Variants in ZNF521 observed in about 807,000 individuals in gnomAD.
The protein encoded by ZNF521 is zinc finger protein 521.
In ZNF521, 14 loss-of-function variants were observed where a neutral mutation model predicts 105.5. The ratio of observed to expected loss-of-function variants is 0.13; its 90% confidence interval spans 0.09 to 0.21. The LOEUF is 0.21. Among genes scored for constraint, ZNF521 ranks in the 10% least tolerant of loss-of-function variants. The pLI, the probability that ZNF521 is intolerant of heterozygous loss-of-function variation, is 1.00. For synonymous variants in ZNF521, 635 were observed against 606.0 expected (o/e 1.05, Z -0.70); for missense variants, 1,233 against 1,629.7 (o/e 0.76, Z 4.19).
intron 3 of ZNF521, among the ~76,000 whole-genome samples, chr18:25,313,049 A>G (rs9950053): frequency 0.066 from 9,995 of 152,196 alleles, 391 homozygotes; most frequent in African/African-American, 0.11. Flanking sequence ...AGGGTACATT[A>G]TCGTGCAGGA....
In ZNF521 at chr18:25,224,720, C is replaced by G; in HGVS notation, c.3198G>C (p.Lys1066Asn). The change falls in exon 4 of 8, where the codon AAG (lysine) becomes AAC (asparagine). Residue 1066 changes from lysine to asparagine, a missense_variant. Coordinates refer to ENST00000361524, the MANE Select transcript of ZNF521 (RefSeq NM_015461.3). ...GGAATTCTTTGAGGCAAGATGCGCA[C>G]TTATACAGTTTTTGGACGTGCTGGC... ...GRGQHVQKLY[K>N]CASCLKEFRS... The G allele has an allele frequency of 6.2e-6, 10 of 1,614,064 alleles. No individual in the cohort carries two copies. The highest frequency in any genetic ancestry group is 3.3e-5 in the South Asian group (3 of 91,074).
intron 3 of ZNF521, among the ~76,000 whole-genome samples, chr18:25,247,074 T>C (rs1207766063): frequency 6.6e-6 from 1 of 152,178 alleles, no homozygotes; most frequent in Non-Finnish European, 1.5e-5. Flanking sequence ...ATCAATTCCA[T>C]AATGATATTC....
intron 5 of ZNF521, among the ~76,000 whole-genome samples, chr18:25,178,054 C>T (rs1294060731): frequency 6.6e-6 from 1 of 152,180 alleles, no homozygotes; most frequent in Non-Finnish European, 1.5e-5. Flanking sequence ...AATAAATTAT[C>T]TCTGTGGTTC....
chr18:25,122,326 C>T (rs1432550412), intron 5 of ZNF521, among the ~76,000 whole-genome samples: 1 of 152,076 alleles, frequency 6.6e-6, no homozygotes, highest in Non-Finnish European at 1.5e-5. Flanking sequence ...ATACCTATGA[C>T]TAAAATCCCT....
At chr18:25,185,769 C>T (rs373164660) in intron 5 of ZNF521, among the ~76,000 whole-genome samples, 13 of 152,030 alleles carry the variant, frequency 8.6e-5, no homozygotes, top group Admixed American at 4.6e-4. Flanking sequence ...GAAACCTGAA[C>T]GCAGCATGGT....
chr18:25,335,315 C>T (rs1383665245), intron 2 of ZNF521, among the ~76,000 whole-genome samples: 3 of 152,118 alleles, frequency 2.0e-5, no homozygotes, highest in South Asian at 2.1e-4. Flanking sequence ...ACCTGGAATA[C>T]GTAACTTAAG....
intron 3 of ZNF521, among the ~76,000 whole-genome samples, chr18:25,231,128 T>C (rs1260835969): frequency 1.3e-5 from 2 of 152,194 alleles, no homozygotes; most frequent in Admixed American, 6.5e-5. Flanking sequence ...CAGCAGCCTC[T>C]GTGTTTCTGC....
chr18:25,345,874 T>C lies in ZNF521; in HGVS notation c.40+5033A>G, dbSNP rs547588535. ...ATGGATGTCAAACACTGTTTGAGCT[T>C]CTGCAGTGTTTCCAATAATCAGGCT... On this transcript the variant is annotated intron_variant, in intron 2 of 7. Coordinates refer to ENST00000361524, the MANE Select transcript of ZNF521 (RefSeq NM_015461.3). Among the ~76,000 whole-genome samples, 3 of 152,342 alleles carry C rather than the reference T, an allele frequency of 2.0e-5. No individual in the cohort carries two copies. In the South Asian group the frequency reaches 6.2e-4, roughly 32 times the overall value.
chr18:25,334,749 G>A (rs1413244138), intron 2 of ZNF521, among the ~76,000 whole-genome samples: 1 of 152,168 alleles, frequency 6.6e-6, no homozygotes, highest in East Asian at 1.9e-4. Flanking sequence ...GCAATACTGA[G>A]TGCCACCCCT....
chr18:25,318,829 A>T (rs977808069), intron 3 of ZNF521, among the ~76,000 whole-genome samples: 3 of 152,120 alleles, frequency 2.0e-5, no homozygotes, highest in Non-Finnish European at 4.4e-5. Flanking sequence ...ATGCATGTAC[A>T]TTTCCTACTT....
chr18:25,235,946 GC>G (rs1257350082), intron 3 of ZNF521, among the ~76,000 whole-genome samples: 3 of 152,122 alleles, frequency 2.0e-5, no homozygotes, highest in Non-Finnish European at 4.4e-5. Flanking sequence ...TTATCCATAT[GC>G]CTTTGTATTA....
intron 4 of ZNF521, among the ~76,000 whole-genome samples, chr18:25,210,744 G>A (rs1367135902): frequency 2.0e-5 from 3 of 152,146 alleles, no homozygotes; most frequent in African/African-American, 7.2e-5. Context: ...GGGGACCCAC[G>A]GAGGCTACCA....
chr18:25,116,889 GTATATATA>G (rs1273205110), intron 5 of ZNF521, among the ~76,000 whole-genome samples: 1 of 45,132 alleles, frequency 2.2e-5, no homozygotes, highest in Non-Finnish European at 7.5e-5. Flanking sequence ...ATATATATAC[GTATATATA>G]TATGTGTATA....
intron 3 of ZNF521, among the ~76,000 whole-genome samples, chr18:25,304,072 T>C (rs1240174242): frequency 2.0e-5 from 3 of 152,238 alleles, no homozygotes; most frequent in Non-Finnish European, 2.9e-5. Flanking sequence ...ATGGCTGTGC[T>C]AGTAATTTCT....
chr18:25,192,125 G>T (rs925841123), intron 5 of ZNF521, among the ~76,000 whole-genome samples: 1 of 152,130 alleles, frequency 6.6e-6, no homozygotes, highest in Non-Finnish European at 1.5e-5. Context: ...AAGAAGAAAA[G>T]AAACCCCTGA....
Position 25,117,032 on chromosome 18 carries a change from TAC to T in ZNF521, c.3659-24953_3659-24952del, listed in dbSNP as rs71375169. On this transcript the variant is annotated intron_variant, in intron 5 of 7. Transcript: ENST00000361524. ...ACACACACACACATATATATATACA[TAC>T]ACACACACACACATATATATACACA... Among the ~76,000 whole-genome samples the T allele has an allele frequency of 1.7e-3, 219 of 132,124 alleles. 3 individuals are homozygous for T. The highest frequency in any genetic ancestry group is 7.6e-3 in the Middle Eastern group (2 of 262). The allele number at this position is 132,124 out of a possible 152,430, so 86.7% of individuals were successfully genotyped here. A position where few individuals can be genotyped will look rare whatever the true frequency, so the allele number is the denominator to read the frequency against.
At chr18:25,207,933 T>A (rs2036111744) in intron 4 of ZNF521, among the ~76,000 whole-genome samples, 1 of 152,176 alleles carries the variant, frequency 6.6e-6, no homozygotes, top group South Asian at 2.1e-4. Context: ...CAACCAAGCT[T>A]CTGCTCCTTG....
rs182738406 is a variant in ZNF521 at position 25,283,855 on chromosome 18, G to C, written c.220+38153C>G. The stretch of plus-strand genomic sequence containing the variant: ...CCACTTTTAAACGGAATCAGTTGAA[G>C]AAAAAAAATCAATGTCTGGAGACAG... On this transcript the variant is annotated intron_variant, in intron 3 of 7. Transcript: ENST00000361524. Among the ~76,000 whole-genome samples, 212 of 149,196 alleles carry C rather than the reference G, an allele frequency of 1.4e-3. 3 individuals carry two copies. The highest frequency in any genetic ancestry group is 1.0e-4 in the Non-Finnish European group (7 of 67,226).
At chr18:25,268,945 C>T (rs1909453358) in intron 3 of ZNF521, among the ~76,000 whole-genome samples, 1 of 151,944 alleles carries the variant, frequency 6.6e-6, no homozygotes. Context: ...ACCTTAAATA[C>T]AAACAGGACA....
Sources: gnomAD v4.1 joint callset for allele counts (sites outside exome capture counted in the v4.1 genomes callset) on GRCh38, gnomAD v4.1.1 for gene constraint, MANE v1.5 for transcripts, NCBI Gene and HGNC (gene_info 2026-07-23, HGNC 2026-07-21) for gene names.